Variants in MTUS1 observed in about 807,000 individuals in gnomAD.
The protein encoded by MTUS1 is microtubule-associated tumor suppressor 1.
Under a neutral mutation model 120.8 loss-of-function variants are expected in MTUS1, and 109 were observed. That is an observed-to-expected ratio of 0.90 (90% CI 0.77 to 1.06). The LOEUF (loss-of-function observed/expected upper bound fraction) is 1.06. MTUS1 is among the 50% of genes least tolerant of loss of function. MTUS1 has a pLI of 0.00. For missense variants in MTUS1, 2,210 were observed against 1,486.3 expected, an observed-to-expected ratio of 1.49 and a Z score of -8.01; for synonymous variants, 737 against 550.5, an observed-to-expected ratio of 1.34 and a Z score of -4.74.
chr8:17,648,122 G>A (rs961799596), intron 13 of MTUS1, among the ~76,000 whole-genome samples: 2 of 152,312 alleles, frequency 1.3e-5, no homozygotes, highest in African/African-American at 4.8e-5. Context: ...AGGGAAACTA[G>A]TCCTAATAAT....
Position 17,714,196 on chromosome 8 carries a change from C to G in MTUS1, c.2585-944G>C, listed in dbSNP as rs1225551903. ...ATTAACTCCCTAGGCAAATGACAACCTGCTGCACACTGAAGAATTCAACCC... is the reference window on the plus strand; with the variant it reads ...ATTAACTCCCTAGGCAAATGACAACGTGCTGCACACTGAAGAATTCAACCC... On this transcript the variant is annotated intron_variant, in intron 5 of 14. Transcript: ENST00000693296. Among the ~76,000 whole-genome samples, 3 of 152,152 alleles carry G rather than the reference C, an allele frequency of 2.0e-5. 1 individual carries two copies. The highest frequency in any genetic ancestry group is 4.2e-4 in the South Asian group (2 of 4,818).
At chr8:17,718,655 T>A (rs1037274245) in intron 4 of MTUS1, among the ~76,000 whole-genome samples, 3 of 152,002 alleles carry the variant, frequency 2.0e-5, no homozygotes, top group Non-Finnish European at 4.4e-5. Flanking sequence ...CACCTACTTC[T>A]CAACCTGATC....
chr8:17,758,678 GTTAA>G (rs2048810027), intron 1 of MTUS1, among the ~76,000 whole-genome samples: 1 of 152,152 alleles, frequency 6.6e-6, no homozygotes, highest in South Asian at 2.1e-4. Flanking sequence ...CTAATACTCA[GTTAA>G]CAGACTGTGG....
At chr8:17,657,513 A>G (rs1387677500) in intron 8 of MTUS1, among the ~76,000 whole-genome samples, 1 of 150,302 alleles carries the variant, frequency 6.7e-6, no homozygotes, top group Admixed American at 6.6e-5. Flanking sequence ...GCTTGCAGTG[A>G]GCCGAGATCC....
At chr8:17,728,522 A>T (rs1001924954) in intron 3 of MTUS1, among the ~76,000 whole-genome samples, 3 of 152,228 alleles carry the variant, frequency 2.0e-5, no homozygotes, top group Non-Finnish European at 4.4e-5. Flanking sequence ...GTTCAAACAT[A>T]TACAGAGCCA....
At chr8:17,706,098 G>C (rs961203171) in intron 6 of MTUS1, 2 of 152,058 alleles carry the variant, frequency 1.3e-5, no homozygotes, top group East Asian at 1.9e-4. Context: ...GCTTGCTTTA[G>C]AGATTTAAAA....
intron 4 of MTUS1, among the ~76,000 whole-genome samples, chr8:17,717,674 A>T (rs1190861011): frequency 6.6e-6 from 1 of 152,168 alleles, no homozygotes; most frequent in Non-Finnish European, 1.5e-5. Context: ...TCACAAAGAG[A>T]TCAGTAAAAA....
chr8:17,798,227 G>A (rs1015258646), intron 1 of MTUS1, among the ~76,000 whole-genome samples: 1 of 152,102 alleles, frequency 6.6e-6, no homozygotes, highest in African/African-American at 2.4e-5. Context: ...GTATATACCA[G>A]GCCCAGTGGC....
intron 1 of MTUS1, among the ~76,000 whole-genome samples, chr8:17,757,364 GGCT>G (rs1381157272): frequency 1.3e-5 from 2 of 152,138 alleles, no homozygotes; most frequent in East Asian, 3.9e-4. Flanking sequence ...AACCTAAAGT[GGCT>G]GCTAATTGGG....
At chr8:17,717,250 C>T (rs1413389535) in intron 4 of MTUS1, among the ~76,000 whole-genome samples, 1 of 152,334 alleles carries the variant, frequency 6.6e-6, no homozygotes, top group East Asian at 1.9e-4. Context: ...CTGTCAATTT[C>T]CTGTCCTTTT....
chr8:17,767,708 A>AAAAAAAAACAAACAAACAAACAAAC (rs1218585395), intron 1 of MTUS1, among the ~76,000 whole-genome samples: 29 of 125,286 alleles, frequency 2.3e-4, no homozygotes, highest in Admixed American at 1.1e-3. Context: ...CTTAAAAAAA[A>AAAAAAAAACAAACAAACAAACAAAC]AAAAAAAAAA....
intron 2 of MTUS1, among the ~76,000 whole-genome samples, chr8:17,753,446 A>G (rs189224119): frequency 6.6e-6 from 1 of 152,346 alleles, no homozygotes; most frequent in Admixed American, 6.5e-5. Flanking sequence ...TAAAATATTA[A>G]AGTAACTTCA....
intron 3 of MTUS1, among the ~76,000 whole-genome samples, chr8:17,739,823 A>G (rs187536624): frequency 6.6e-6 from 1 of 152,316 alleles, no homozygotes; most frequent in East Asian, 1.9e-4. Context: ...ACTACAAATA[A>G]TTTTCATCAC....
intron 1 of MTUS1, among the ~76,000 whole-genome samples, chr8:17,794,761 A>T (rs992575014): frequency 1.3e-5 from 2 of 152,234 alleles, no homozygotes; most frequent in Non-Finnish European, 2.9e-5. Context: ...AAGGTGACTT[A>T]ATCAGAATTC....
intron 8 of MTUS1, among the ~76,000 whole-genome samples, chr8:17,672,913 T>C (rs551877851): frequency 7.9e-5 from 12 of 152,334 alleles, no homozygotes; most frequent in South Asian, 6.2e-4. Context: ...GGTTGCTTAA[T>C]TGTGCTGTCC....
At chr8:17,676,406 G>C (rs1279616566) in intron 7 of MTUS1, 1 of 700,276 alleles carries the variant, frequency 1.4e-6, no homozygotes, top group South Asian at 1.5e-5. Context: ...CCACCCACCA[G>C]TCGGGTCTGT....
chr8:17,786,360 C>G (rs10100738), intron 1 of MTUS1, among the ~76,000 whole-genome samples: 110,727 of 151,730 alleles, frequency 0.73, 41,979 homozygotes, highest in Non-Finnish European at 0.85. Flanking sequence ...GATGCTAAAA[C>G]CTCCTCCAGG....
intron 12 of MTUS1, among the ~76,000 whole-genome samples, chr8:17,652,581 G>A (rs1807249950): frequency 6.6e-6 from 1 of 151,938 alleles, no homozygotes; most frequent in Non-Finnish European, 1.5e-5. Flanking sequence ...GGTGACCAAT[G>A]GACAACTTTA....
In MTUS1 at chr8:17,715,764, T is replaced by C. The variant is rs377539848; in HGVS notation, c.2584+3A>G. On this transcript the variant is annotated splice_donor_region_variant and intron_variant, in intron 5 of 14. Coordinates refer to ENST00000693296, the MANE Select transcript of MTUS1 (RefSeq NM_001363059.2). The stretch of plus-strand genomic sequence containing the variant: ...CCTCTTCAAACCACAATGAGGACTG[T>C]ACCTTTTGGAGGAGTTTTCATCAAG... The C allele has an allele frequency of 5.6e-6, 9 of 1,611,188 alleles. No homozygotes were observed. Among genetic ancestry groups the C allele is most frequent in the South Asian group, 4.4e-5 (4 of 90,438 alleles).
Sources: allele counts gnomAD v4.1 joint callset (sites outside exome capture counted in the v4.1 genomes callset), GRCh38; gene constraint gnomAD v4.1.1; transcripts MANE v1.5; gene names NCBI Gene and HGNC (gene_info 2026-07-23, HGNC 2026-07-21).